The following FGD4 variants were observed in gnomAD, a reference collection of about 807,000 sequenced individuals.
FGD4 encodes the protein FYVE, RhoGEF and PH domain-containing protein 4.
In FGD4, 42 loss-of-function variants were observed where a neutral mutation model predicts 102.0. The ratio of observed to expected loss-of-function variants is 0.41; its 90% CI spans 0.32 to 0.53. FGD4 has a LOEUF of 0.53. Among genes scored for constraint, FGD4 ranks in the 20% least tolerant of loss-of-function variants. FGD4 has a pLI of 0.21. For synonymous variants in FGD4, 380 were observed against 375.7 expected, an observed-to-expected ratio of 1.01 and a Z score of -0.13; for missense variants, 902 against 1,078.2, an observed-to-expected ratio of 0.84 and a Z score of 2.29.
At chr12:32,443,458 C>T (rs193205402) in intron 1 of FGD4, among the ~76,000 whole-genome samples, 3 of 152,054 alleles carry the variant, frequency 2.0e-5, no homozygotes, top group East Asian at 1.9e-4. Flanking sequence ...TCAAGCAGTC[C>T]TCCTGCGTCA....
intron 1 of FGD4, among the ~76,000 whole-genome samples, chr12:32,546,652 G>A (rs944319197): frequency 1.3e-5 from 2 of 152,224 alleles, no homozygotes; most frequent in Admixed American, 1.3e-4. Flanking sequence ...CAGCCATAGA[G>A]CATGGAGGGA....
At chr12:32,558,849 C>G (rs1326499728) in intron 1 of FGD4, among the ~76,000 whole-genome samples, 1 of 152,170 alleles carries the variant, frequency 6.6e-6, no homozygotes, top group Non-Finnish European at 1.5e-5. Flanking sequence ...GGAGATACAA[C>G]CCAGCAAGCA....
chr12:32,610,624 T>A lies in FGD4; in HGVS notation c.1544-152T>A, dbSNP rs75906596. 0.014 allele frequency: 9,261 copies of A among 669,686 alleles called. 105 individuals carry two copies. The highest frequency in any genetic ancestry group is 0.015 in the Non-Finnish European group (6,116 of 397,312). 41.5% of individuals were successfully genotyped at this position (669,686 alleles called of 1,614,324 possible). ...TCAAGTAATCTGCTTACAAATGAAC[T>A]TTAGAAAGTATATACCGTTTATAAA... On this transcript the variant is annotated intron_variant, in intron 8 of 16. Transcript: ENST00000534526.
chr12:32,522,368 G>A (rs945351317), intron 1 of FGD4, among the ~76,000 whole-genome samples: 12 of 152,018 alleles, frequency 7.9e-5, no homozygotes, highest in Non-Finnish European at 1.3e-4. Context: ...AAGAATATTC[G>A]GGCCAACACA....
chr12:32,599,291 G>A (rs1373764606), intron 5 of FGD4, among the ~76,000 whole-genome samples: 3 of 149,630 alleles, frequency 2.0e-5, no homozygotes, highest in Admixed American at 6.7e-5. Context: ...TCAGGAGATC[G>A]AGACCATCCT....
chr12:32,501,563 C>T (rs1452111446), intron 1 of FGD4, among the ~76,000 whole-genome samples: 1 of 152,142 alleles, frequency 6.6e-6, no homozygotes, highest in Non-Finnish European at 1.5e-5. Flanking sequence ...CCAGCACCGC[C>T]TCTCCCCACA....
At chr12:32,489,337 A>G (rs544062746) in intron 1 of FGD4, among the ~76,000 whole-genome samples, 29 of 152,338 alleles carry the variant, frequency 1.9e-4, no homozygotes, top group Middle Eastern at 3.4e-3. Flanking sequence ...GCAGTTGCAT[A>G]TGGAGTTCAT....
At chr12:32,504,538 G>A (rs1463760208) in intron 1 of FGD4, among the ~76,000 whole-genome samples, 1 of 152,180 alleles carries the variant, frequency 6.6e-6, no homozygotes, top group Non-Finnish European at 1.5e-5. Flanking sequence ...TACTTGTGGG[G>A]GTGAAGAGAG....
At chr12:32,532,526 T>C (rs986566508) in intron 1 of FGD4, among the ~76,000 whole-genome samples, 2 of 152,088 alleles carry the variant, frequency 1.3e-5, no homozygotes, top group African/African-American at 4.8e-5. Context: ...AAATTCTACA[T>C]GGAAAATGCT....
At chr12:32,577,109 T>G (rs1168988038) in intron 3 of FGD4, among the ~76,000 whole-genome samples, 1 of 152,186 alleles carries the variant, frequency 6.6e-6, no homozygotes, top group Admixed American at 6.6e-5. Context: ...AAATATTATA[T>G]TTCTCATTTA....
chr12:32,504,144 T>C (rs1938475929), intron 1 of FGD4, among the ~76,000 whole-genome samples: 1 of 152,248 alleles, frequency 6.6e-6, no homozygotes, highest in Non-Finnish European at 1.5e-5. Flanking sequence ...CGTGTTGCAT[T>C]GACCAAATTT....
At chr12:32,567,777 T>G (rs2136309881) in intron 2 of FGD4, among the ~76,000 whole-genome samples, 1 of 151,426 alleles carries the variant, frequency 6.6e-6, no homozygotes, top group African/African-American at 2.4e-5. Flanking sequence ...GGCCTCCCCT[T>G]CCCAGGTTTG....
chr12:32,459,512 G>T (rs578055557), intron 1 of FGD4, among the ~76,000 whole-genome samples: 76 of 151,870 alleles, frequency 5.0e-4, no homozygotes, highest in Admixed American at 1.7e-3. Context: ...TATTTATAAG[G>T]ATCATAAAAT....
rs577979533 is a variant in FGD4, at chr12:32,633,845, G to A, written c.2313+156G>A. On this transcript the variant is annotated intron_variant, in intron 15 of 16. Transcript: ENST00000534526. ...ATTACAGGCCCACGCCACCATGCCCGGCTAATTTTTGTATTTTTAGTAGGG... is the reference window on the plus strand; with the variant it reads ...ATTACAGGCCCACGCCACCATGCCCAGCTAATTTTTGTATTTTTAGTAGGG... 3.3e-5 allele frequency among the ~76,000 whole-genome samples: 5 copies of A among 152,198 alleles called. No homozygotes were observed. In the South Asian group the frequency reaches 8.3e-4, roughly 25 times the overall value.
At chr12:32,460,577 AATTT>A (rs1308826103) in intron 1 of FGD4, among the ~76,000 whole-genome samples, 3 of 152,120 alleles carry the variant, frequency 2.0e-5, no homozygotes, top group African/African-American at 7.2e-5. Flanking sequence ...ACATGTATAG[AATTT>A]ATAAGTGGAC....
At chr12:32,439,280 A>G (rs1591903129) in intron 1 of FGD4, among the ~76,000 whole-genome samples, 1 of 152,214 alleles carries the variant, frequency 6.6e-6, no homozygotes, top group Non-Finnish European at 1.5e-5. Flanking sequence ...CCATCTTGTT[A>G]CAAATGACAT....
At chr12:32,586,229 A>T (rs1454838845) in intron 4 of FGD4, among the ~76,000 whole-genome samples, 1 of 152,208 alleles carries the variant, frequency 6.6e-6, no homozygotes, top group Non-Finnish European at 1.5e-5. Context: ...TTGGAAGTTT[A>T]AAAAGTTTAA....
At position 32,472,227 on chromosome 12, in the gene FGD4, G is replaced by A. The variant is rs113967665; in HGVS notation, c.166+72268G>A. ...CCCTTCAGCCCCCCACTGCACTGTG[G>A]GAGCCCCTTTCTGGGCTGGCCAAGG... is the stretch of plus-strand genomic sequence containing the variant. On this transcript the variant is annotated intron_variant, in intron 1 of 16. Coordinates refer to ENST00000534526, the MANE Select transcript of FGD4 (RefSeq NM_001370298.3). Among the ~76,000 whole-genome samples, 7 of 152,350 alleles carry A rather than the reference G, an allele frequency of 4.6e-5. 1 individual carries two copies. Among genetic ancestry groups the A allele is most frequent in the African/African-American group, 1.7e-4 (7 of 41,586 alleles).
intron 1 of FGD4, among the ~76,000 whole-genome samples, chr12:32,467,388 T>C (rs1467375492): frequency 6.6e-6 from 1 of 152,212 alleles, no homozygotes; most frequent in African/African-American, 2.4e-5. Flanking sequence ...ATTGGACAAG[T>C]CTTACCTCTT....
Sources: gnomAD v4.1 joint callset for allele counts (sites outside exome capture counted in the v4.1 genomes callset) on GRCh38, gnomAD v4.1.1 for gene constraint, MANE v1.5 for transcripts, NCBI Gene and HGNC (gene_info 2026-07-23, HGNC 2026-07-21) for gene names.